SPOCK3: variants seen among roughly 807,000 people sequenced by gnomAD.
The protein encoded by SPOCK3 is testican-3.
SPOCK3 carries 30 observed loss-of-function variants against 56.6 expected under a neutral mutation model. The observed-to-expected ratio is 0.53, with a 90% CI of 0.40 to 0.72. SPOCK3 has a LOEUF of 0.72. Ranked by LOEUF, SPOCK3 falls within the 30% of genes least tolerant of loss-of-function variation. The pLI, the probability that SPOCK3 is intolerant of heterozygous loss-of-function variation, is 0.00. For synonymous variants in SPOCK3, 196 were observed against 183.3 expected, an observed-to-expected ratio of 1.07 and a Z score of -0.56; for missense variants, 527 against 530.0, an observed-to-expected ratio of 0.99 and a Z score of 0.06.
At chr4:167,070,760 C>T (rs2150265294) in intron 2 of SPOCK3, among the ~76,000 whole-genome samples, 1 of 151,964 alleles carries the variant, frequency 6.6e-6, no homozygotes, top group East Asian at 1.9e-4. Flanking sequence ...ATAAATTTCA[C>T]AAAAGAGGAA....
At chr4:167,077,057 G>A (rs1757255406) in intron 2 of SPOCK3, among the ~76,000 whole-genome samples, 1 of 151,762 alleles carries the variant, frequency 6.6e-6, no homozygotes, top group African/African-American at 2.4e-5. Context: ...TATGTCAATT[G>A]AGATCAAAAT....
chr4:167,040,485 T>C (rs916102058), intron 3 of SPOCK3, among the ~76,000 whole-genome samples: 6 of 152,314 alleles, frequency 3.9e-5, no homozygotes, highest in Admixed American at 3.3e-4. Context: ...CAAATTAGAA[T>C]GTATAAGAAA....
intron 5 of SPOCK3, among the ~76,000 whole-genome samples, chr4:166,900,478 G>C (rs893436638): frequency 1.3e-5 from 2 of 152,168 alleles, no homozygotes; most frequent in Admixed American, 1.3e-4. Flanking sequence ...TACCCTCTCA[G>C]CTGGCTCTTA....
At chr4:166,841,994 T>C (rs1490982576) in intron 6 of SPOCK3, among the ~76,000 whole-genome samples, 2 of 152,208 alleles carry the variant, frequency 1.3e-5, no homozygotes, top group African/African-American at 4.8e-5. Flanking sequence ...GTGGTCTCGC[T>C]GGCTTCAGGA....
At chr4:167,176,389 A>C (rs995067571) in intron 2 of SPOCK3, among the ~76,000 whole-genome samples, 1 of 152,120 alleles carries the variant, frequency 6.6e-6, no homozygotes, top group African/African-American at 2.4e-5. Context: ...CGTTACCTTA[A>C]GTTCTCACCA....
At chr4:167,217,935 C>A (rs1292293277) in intron 2 of SPOCK3, among the ~76,000 whole-genome samples, 1 of 151,262 alleles carries the variant, frequency 6.6e-6, no homozygotes, top group Non-Finnish European at 1.5e-5. Context: ...AAAAGTTAAA[C>A]CCACAAACCA....
chr4:167,117,052 G>A (rs961525719), intron 2 of SPOCK3, among the ~76,000 whole-genome samples: 31 of 150,526 alleles, frequency 2.1e-4, no homozygotes, highest in African/African-American at 7.6e-4. Context: ...TCAACACTGG[G>A]GCCATGGTAA....
At chr4:166,794,422 A>G (rs1741685291) in intron 6 of SPOCK3, among the ~76,000 whole-genome samples, 1 of 151,974 alleles carries the variant, frequency 6.6e-6, no homozygotes. Context: ...GATTTATATA[A>G]AGAAGTAACT....
chr4:167,088,890 C>T (rs1211676302), intron 2 of SPOCK3, among the ~76,000 whole-genome samples: 1 of 152,204 alleles, frequency 6.6e-6, no homozygotes, highest in South Asian at 2.1e-4. Flanking sequence ...GTTGTAAATA[C>T]TTGGTTTATT....
chr4:167,092,269 C>A (rs932464675), intron 2 of SPOCK3, among the ~76,000 whole-genome samples: 1 of 152,242 alleles, frequency 6.6e-6, no homozygotes. Flanking sequence ...ACCCAGAAAA[C>A]GTTAATCTCT....
intron 2 of SPOCK3, among the ~76,000 whole-genome samples, chr4:167,126,141 C>A (rs1561244271): frequency 6.6e-6 from 1 of 152,200 alleles, no homozygotes; most frequent in African/African-American, 2.4e-5. Context: ...AAAGAGGCAA[C>A]AGTCTGCCCA....
In SPOCK3 at chr4:167,025,939, G is replaced by T. The variant is rs150152237; in HGVS notation, c.236-25476C>A. Among the ~76,000 whole-genome samples the T allele has an allele frequency of 7.1e-3, 1,081 of 152,106 alleles. 53 individuals carry two copies. Among genetic ancestry groups the T allele is most frequent in the Admixed American group, 0.066 (1,009 of 15,244 alleles). On this transcript the variant is annotated intron_variant, in intron 3 of 10. Coordinates refer to ENST00000357545, the MANE Select transcript of SPOCK3 (RefSeq NM_001040159.2). ...TGCTCCTAGGCTACAAACCTGTACA[G>T]CATGTTACTGCACTGAACACTGTAG...
At chr4:166,841,381 T>C (rs927141069) in intron 6 of SPOCK3, among the ~76,000 whole-genome samples, 1 of 151,776 alleles carries the variant, frequency 6.6e-6, no homozygotes. Context: ...CAATTTCACA[T>C]AGACTTATAG....
intron 4 of SPOCK3, among the ~76,000 whole-genome samples, chr4:166,966,450 A>G (rs1744746317): frequency 6.6e-6 from 1 of 151,986 alleles, no homozygotes; most frequent in South Asian, 2.1e-4. Flanking sequence ...CAACCATTTT[A>G]CTCTATTTTG....
chr4:166,963,195 T>G (rs991468005), intron 4 of SPOCK3, among the ~76,000 whole-genome samples: 4 of 152,000 alleles, frequency 2.6e-5, no homozygotes. Flanking sequence ...TCATAAAAAT[T>G]TTTGTCCTGA....
chr4:167,040,244 A>G (rs1407271398), intron 3 of SPOCK3, among the ~76,000 whole-genome samples: 1 of 152,198 alleles, frequency 6.6e-6, no homozygotes, highest in East Asian at 1.9e-4. Flanking sequence ...CTTTAATATG[A>G]TGGTGAAAAG....
At chr4:167,195,980 A>C (rs1171220509) in intron 2 of SPOCK3, among the ~76,000 whole-genome samples, 1 of 152,196 alleles carries the variant, frequency 6.6e-6, no homozygotes. Flanking sequence ...ACTCTCAAAG[A>C]AATTTTAGAT....
chr4:166,884,623 T>C (rs905865075), intron 6 of SPOCK3, among the ~76,000 whole-genome samples: 1 of 152,134 alleles, frequency 6.6e-6, no homozygotes, highest in Non-Finnish European at 1.5e-5. Context: ...TTTACAGGTA[T>C]AATCTTTTGA....
At chr4:166,987,806 A>T (rs1747328662) in intron 4 of SPOCK3, among the ~76,000 whole-genome samples, 1 of 152,110 alleles carries the variant, frequency 6.6e-6, no homozygotes, top group Non-Finnish European at 1.5e-5. Context: ...CTTGTTGAAA[A>T]TTTTTATAAT....
Sources: allele counts gnomAD v4.1 joint callset (sites outside exome capture counted in the v4.1 genomes callset), GRCh38; gene constraint gnomAD v4.1.1; transcripts MANE v1.5; gene names NCBI Gene and HGNC (gene_info 2026-07-23, HGNC 2026-07-21).